The following RNFT2 variants were observed in gnomAD, a reference collection of about 807,000 sequenced individuals.
RNFT2 encodes ring finger protein, transmembrane 2, also known as E3 ubiquitin-protein ligase RNFT2.
A neutral mutation model predicts 53.0 loss-of-function variants in RNFT2; 36 were observed. The ratio of observed to expected loss-of-function variants is 0.68; its 90% confidence interval spans 0.52 to 0.90. The LOEUF (loss-of-function observed/expected upper bound fraction) is 0.90. RNFT2 is among the 40% of genes least tolerant of loss of function. The pLI is 0.00. For synonymous variants in RNFT2, 260 were observed against 253.2 expected (o/e 1.03, Z -0.26); for missense variants, 514 against 585.6 (o/e 0.88, Z 1.26).
At chr12:116,762,894 G>A (rs989036142) in intron 5 of RNFT2, among the ~76,000 whole-genome samples, 1 of 152,098 alleles carries the variant, frequency 6.6e-6, no homozygotes, top group Admixed American at 6.5e-5. Flanking sequence ...TTACAGGCGT[G>A]AGCCACCATA....
At chr12:116,816,094 C>T (rs1875645746) in intron 7 of RNFT2, among the ~76,000 whole-genome samples, 1 of 152,228 alleles carries the variant, frequency 6.6e-6, no homozygotes, top group Non-Finnish European at 1.5e-5. Flanking sequence ...ATCCATCCAC[C>T]TGGGACCAGG....
At chr12:116,747,537 A>C (rs558429905) in intron 3 of RNFT2, among the ~76,000 whole-genome samples, 1 of 152,142 alleles carries the variant, frequency 6.6e-6, no homozygotes, top group East Asian at 2.0e-4. Context: ...CACTCTGTGG[A>C]TAATGGTCTC....
intron 7 of RNFT2, among the ~76,000 whole-genome samples, chr12:116,811,849 A>T (rs1875397700): frequency 1.3e-5 from 2 of 152,106 alleles, no homozygotes; most frequent in Non-Finnish European, 2.9e-5. Context: ...CCCTGAATGG[A>T]AGGAAGGAAA....
At position 116,743,986 on chromosome 12, in the gene RNFT2, C is replaced by T. The variant is rs144802907; in HGVS notation, c.83+2892C>T. On this transcript the variant is annotated intron_variant, in intron 3 of 10. Coordinates refer to ENST00000257575, the MANE Select transcript of RNFT2 (RefSeq NM_001382266.1). ...TTATGCCTGTAATCCCAGCACTTTG[C>T]GGGGGTAAGGCAGGCTGATCACCTG... 1.8e-3 allele frequency among the ~76,000 whole-genome samples: 280 copies of T among 152,162 alleles called. 17 individuals carry two copies. In the East Asian group the frequency reaches 0.045, roughly 25 times the overall value.
chr12:116,847,303 A>AT (rs777540224), intron 10 of RNFT2, among the ~76,000 whole-genome samples: 9 of 151,832 alleles, frequency 5.9e-5, no homozygotes, highest in Non-Finnish European at 8.8e-5. Flanking sequence ...TATAGCTGGC[A>AT]TTTTTTTTGC....
chr12:116,851,998 A>G lies in RNFT2; in HGVS notation c.*2550A>G. On this transcript the variant is annotated 3_prime_UTR_variant, in exon 11 of 11. Transcript: ENST00000257575. ...TATGGATGTTTCCACCAACCAGGGT[A>G]GTGGCATGGAGCACCGTAACCATCT... 2 of 1,433,900 alleles carry G rather than the reference A, an allele frequency of 1.4e-6. No homozygotes were observed. The highest frequency in any genetic ancestry group is 1.4e-5 in the South Asian group (1 of 70,628). 88.8% of individuals were successfully genotyped at this position (1,433,900 alleles called of 1,614,324 possible). A position where few individuals can be genotyped will look rare whatever the true frequency, so the allele number is the denominator to read the frequency against.
intron 3 of RNFT2, among the ~76,000 whole-genome samples, chr12:116,746,804 A>G (rs981845857): frequency 2.6e-5 from 4 of 152,202 alleles, no homozygotes; most frequent in Non-Finnish European, 5.9e-5. Flanking sequence ...GACCATGGGA[A>G]GGAACACAGA....
At chr12:116,801,962 C>A (rs1874819540) in intron 7 of RNFT2, among the ~76,000 whole-genome samples, 1 of 152,142 alleles carries the variant, frequency 6.6e-6, no homozygotes, top group African/African-American at 2.4e-5. Context: ...GCTGGGATTA[C>A]AGGCACCTGC....
chr12:116,801,445 C>A (rs1874788197), intron 7 of RNFT2: 1 of 152,148 alleles, frequency 6.6e-6, no homozygotes, highest in Non-Finnish European at 1.5e-5. Context: ...CATACTATAC[C>A]CTAAAATTAA....
chr12:116,761,086 C>A (rs916246986), intron 5 of RNFT2, among the ~76,000 whole-genome samples: 1 of 152,194 alleles, frequency 6.6e-6, no homozygotes, highest in Non-Finnish European at 1.5e-5. Flanking sequence ...AGCATCTCCT[C>A]CACGTACACC....
intron 7 of RNFT2, among the ~76,000 whole-genome samples, chr12:116,788,588 G>A (rs1156364975): frequency 3.7e-4 from 56 of 152,042 alleles, no homozygotes; most frequent in Admixed American, 3.7e-3. Context: ...GTAATTGTTT[G>A]TTTAAATGTC....
intron 10 of RNFT2, among the ~76,000 whole-genome samples, chr12:116,842,856 G>A (rs1259429944): frequency 1.3e-5 from 2 of 152,164 alleles, no homozygotes; most frequent in African/African-American, 4.8e-5. Context: ...TTACAGGTGT[G>A]AGCCACTGTG....
Position 116,852,644 on chromosome 12 carries a change from C to T in RNFT2, c.*3196C>T. 6.2e-7 allele frequency: 1 copy of T among 1,614,020 alleles called. No homozygotes were observed. The highest frequency in any genetic ancestry group is 8.5e-7 in the Non-Finnish European group (1 of 1,179,902). On this transcript the variant is annotated 3_prime_UTR_variant, in exon 11 of 11. Transcript: ENST00000257575. Reference sequence around the variant, plus strand: ...GTTTTTATCGGAAAGATCATCCTGCCTGCAGATGCTGTTGAAGGGGCACAA... The same window carrying T: ...GTTTTTATCGGAAAGATCATCCTGCTTGCAGATGCTGTTGAAGGGGCACAA...
intron 7 of RNFT2, among the ~76,000 whole-genome samples, chr12:116,807,190 C>T (rs2137160177): frequency 6.6e-6 from 1 of 152,184 alleles, no homozygotes; most frequent in African/African-American, 2.4e-5. Flanking sequence ...GGGTGATTAT[C>T]CCTTGTCTAT....
At chr12:116,826,573 T>G (rs1876349309) in intron 7 of RNFT2, among the ~76,000 whole-genome samples, 1 of 152,216 alleles carries the variant, frequency 6.6e-6, no homozygotes, top group Non-Finnish European at 1.5e-5. Context: ...TGGTTTGATC[T>G]CCTTTTCAAA....
At position 116,852,654 on chromosome 12, in the gene RNFT2, T is replaced by C; in HGVS notation, c.*3206T>C. The C allele has an allele frequency of 6.2e-7, 1 of 1,614,024 alleles. No individual in the cohort carries two copies. The highest frequency in any genetic ancestry group is 8.5e-7 in the Non-Finnish European group (1 of 1,179,904). On this transcript the variant is annotated 3_prime_UTR_variant, in exon 11 of 11. Transcript: ENST00000257575. ...GAAAGATCATCCTGCCTGCAGATGC[T>C]GTTGAAGGGGCACAAGAAATTGGAG...
intron 7 of RNFT2, among the ~76,000 whole-genome samples, chr12:116,806,382 ATATATATAT>A (rs1391084959): frequency 5.5e-5 from 7 of 126,660 alleles, no homozygotes; most frequent in African/African-American, 2.2e-4. Context: ...AAAAAAAAAA[ATATATATAT>A]ATATATATAG....
intron 7 of RNFT2, among the ~76,000 whole-genome samples, chr12:116,797,424 G>C (rs574437863): frequency 1.3e-5 from 2 of 152,246 alleles, no homozygotes; most frequent in South Asian, 4.2e-4. Flanking sequence ...GCCAGGTTTG[G>C]TGGCGTGTGC....
chr12:116,828,893 C>G (rs1876487796), intron 7 of RNFT2, among the ~76,000 whole-genome samples: 1 of 151,792 alleles, frequency 6.6e-6, no homozygotes, highest in African/African-American at 2.4e-5. Flanking sequence ...GTAGTCCCTA[C>G]AGGGGACTCA....
Sources: gnomAD v4.1 joint callset for allele counts (sites outside exome capture counted in the v4.1 genomes callset) on GRCh38, gnomAD v4.1.1 for gene constraint, MANE v1.5 for transcripts, NCBI Gene and HGNC (gene_info 2026-07-23, HGNC 2026-07-21) for gene names.